Variants in RPH3AL observed in about 807,000 individuals in gnomAD.
RPH3AL encodes the protein rabphilin 3A like (without C2 domains).
RPH3AL carries 38 observed loss-of-function variants against 43.1 expected under a neutral mutation model. The observed-to-expected ratio is 0.88, with a 90% CI of 0.68 to 1.15. The LOEUF is 1.15. Ranked by LOEUF, RPH3AL falls within the 50% of genes most tolerant of loss-of-function variation. RPH3AL has a pLI of 0.00. For synonymous variants in RPH3AL, 189 were observed against 176.3 expected (o/e 1.07, Z -0.57); for missense variants, 462 against 423.2 (o/e 1.09, Z -0.81).
intron 5 of RPH3AL, among the ~76,000 whole-genome samples, chr17:317,581 A>T (rs66984203): frequency 6.6e-6 from 1 of 151,888 alleles, no homozygotes; most frequent in African/African-American, 2.4e-5. Flanking sequence ...GGCCTTGGCA[A>T]GGCTGAAGGA....
At position 332,688 on chromosome 17, in the gene RPH3AL, C is replaced by T. The variant is rs1005285339; in HGVS notation, c.-37+1071G>A. On this transcript the variant is annotated intron_variant, in intron 2 of 9. Transcript: ENST00000331302. ...ACTTGCTGACTCACAGGCCGTTTGTCCCTCAAGATTCCCCACGGGGTAGTC... is the reference window on the plus strand; with the variant it reads ...ACTTGCTGACTCACAGGCCGTTTGTTCCTCAAGATTCCCCACGGGGTAGTC... 2.9e-5 allele frequency: 7 copies of T among 239,820 alleles called. No homozygotes were observed. The East Asian group carries it at 6.1e-4, about 21-fold the overall frequency. 14.9% of individuals were successfully genotyped at this position (239,820 alleles called of 1,614,324 possible). A position where few individuals can be genotyped will look rare whatever the true frequency, so the allele number is the denominator to read the frequency against.
intron 1 of RPH3AL, among the ~76,000 whole-genome samples, chr17:337,467 C>CCT (rs1339730936): frequency 6.6e-6 from 1 of 152,190 alleles, no homozygotes; most frequent in East Asian, 1.9e-4. Flanking sequence ...GCCTCCTTAA[C>CCT]CTGCCTCTTT....
At chr17:305,465 G>A (rs894323238) in intron 5 of RPH3AL, among the ~76,000 whole-genome samples, 9 of 152,156 alleles carry the variant, frequency 5.9e-5, no homozygotes, top group African/African-American at 1.4e-4. Flanking sequence ...AGCCCCTGAC[G>A]TCCCACCAGG....
chr17:286,794 G>A (rs1483299326), intron 5 of RPH3AL, among the ~76,000 whole-genome samples: 3 of 152,156 alleles, frequency 2.0e-5, no homozygotes, highest in African/African-American at 7.2e-5. Flanking sequence ...TGGCTTCCCG[G>A]GCTTGGCTGC....
intron 5 of RPH3AL, among the ~76,000 whole-genome samples, chr17:317,399 T>G (rs1392043807): frequency 4.7e-5 from 7 of 150,120 alleles, no homozygotes; most frequent in Non-Finnish European, 1.0e-4. Context: ...CCACGTCCAT[T>G]GACTTGTAGT....
At position 300,952 on chromosome 17, in the gene RPH3AL, C is replaced by T. The variant is rs113230389; in HGVS notation, c.351+18468G>A. Among the ~76,000 whole-genome samples the T allele has an allele frequency of 1.7e-3, 258 of 152,348 alleles. 2 individuals carry two copies. The highest frequency in any genetic ancestry group is 6.0e-3 in the African/African-American group (251 of 41,590). ...CTGCCACAGCCTAGGCCTGCAGAATCTCTCACCCACTCTAGCAGGGGCTGG... is the reference window on the plus strand; with the variant it reads ...CTGCCACAGCCTAGGCCTGCAGAATTTCTCACCCACTCTAGCAGGGGCTGG... On this transcript the variant is annotated intron_variant, in intron 5 of 9. Coordinates refer to ENST00000331302, the MANE Select transcript of RPH3AL (RefSeq NM_006987.4).
intron 6 of RPH3AL, among the ~76,000 whole-genome samples, chr17:249,989 C>A (rs573796913): frequency 3.6e-5 from 5 of 138,118 alleles, no homozygotes; most frequent in Non-Finnish European, 6.2e-5. Context: ...CCTCTCGGAG[C>A]CTTTACTAAG....
chr17:352,410 C>CG (rs1255100401), intron 1 of RPH3AL, among the ~76,000 whole-genome samples: 1 of 152,108 alleles, frequency 6.6e-6, no homozygotes, highest in East Asian at 1.9e-4. Context: ...GAGGCACCAG[C>CG]GGGGCATGAG....
intron 2 of RPH3AL, chr17:332,982 T>G: frequency 7.8e-7 from 1 of 1,276,496 alleles, no homozygotes; most frequent in Non-Finnish European, 1.0e-6. Context: ...CCCGAAAAAT[T>G]CCTAGGGGAC....
chr17:313,063 G>C (rs979299440), intron 5 of RPH3AL, among the ~76,000 whole-genome samples: 1 of 152,188 alleles, frequency 6.6e-6, no homozygotes, highest in African/African-American at 2.4e-5. Context: ...GGTGGACCAA[G>C]CGACCTCTCA....
intron 3 of RPH3AL, among the ~76,000 whole-genome samples, chr17:326,456 C>T (rs1489864018): frequency 2.0e-5 from 3 of 152,192 alleles, no homozygotes; most frequent in Non-Finnish European, 4.4e-5. Context: ...GACGCCCAGC[C>T]CCTCTGAGGG....
At chr17:231,046 G>A (rs566474371) in intron 7 of RPH3AL, among the ~76,000 whole-genome samples, 60 of 152,156 alleles carry the variant, frequency 3.9e-4, no homozygotes, top group African/African-American at 1.1e-3. Context: ...ATTTCCCTCC[G>A]TATCTGTGTC....
chr17:302,052 G>A (rs2043342199), intron 5 of RPH3AL, among the ~76,000 whole-genome samples: 1 of 152,214 alleles, frequency 6.6e-6, no homozygotes, highest in Non-Finnish European at 1.5e-5. Context: ...AGCGAACTGG[G>A]CGGCAAACCT....
intron 5 of RPH3AL, among the ~76,000 whole-genome samples, chr17:317,902 C>A (rs1406697372): frequency 7.2e-6 from 1 of 139,756 alleles, no homozygotes; most frequent in East Asian, 2.5e-4. Flanking sequence ...ACAGTTCACA[C>A]CCCACCCCAC....
At chr17:232,488 G>C (rs2041252012) in intron 7 of RPH3AL, among the ~76,000 whole-genome samples, 1 of 152,174 alleles carries the variant, frequency 6.6e-6, no homozygotes. Flanking sequence ...GGCTGACCCT[G>C]GCAGAATGGC....
chr17:299,621 C>T (rs1252732770), intron 5 of RPH3AL, among the ~76,000 whole-genome samples: 2 of 152,228 alleles, frequency 1.3e-5, no homozygotes, highest in South Asian at 2.1e-4. Context: ...AATGTCCCAG[C>T]GGGAAGCACA....
intron 6 of RPH3AL, among the ~76,000 whole-genome samples, chr17:265,907 G>C (rs1281489111): frequency 6.6e-6 from 1 of 152,180 alleles, no homozygotes; most frequent in Admixed American, 6.5e-5. Flanking sequence ...GGGTTCTGCT[G>C]ACTTCCACCC....
At chr17:304,756 T>A (rs1235429571) in intron 5 of RPH3AL, among the ~76,000 whole-genome samples, 1 of 152,046 alleles carries the variant, frequency 6.6e-6, no homozygotes, top group Non-Finnish European at 1.5e-5. Context: ...ACACTCTTCT[T>A]CTTTTGTTCC....
At position 315,040 on chromosome 17, in the gene RPH3AL, G is replaced by C. The variant is rs1341548297; in HGVS notation, c.351+4380C>G. Among the ~76,000 whole-genome samples, 75 of 148,092 alleles carry C rather than the reference G, an allele frequency of 5.1e-4. 8 individuals carry two copies. Among genetic ancestry groups the C allele is most frequent in the African/African-American group, 1.9e-3 (73 of 39,190 alleles). On this transcript the variant is annotated intron_variant, in intron 5 of 9. Coordinates refer to ENST00000331302, the MANE Select transcript of RPH3AL (RefSeq NM_006987.4). The stretch of plus-strand genomic sequence containing the variant: ...CCACCTCCATTGACCTGTAGTCCCT[G>C]TACTCCACCTCCACTGAACTGTAGT...
Sources: allele counts gnomAD v4.1 joint callset (sites outside exome capture counted in the v4.1 genomes callset), GRCh38; gene constraint gnomAD v4.1.1; transcripts MANE v1.5; gene names NCBI Gene and HGNC (gene_info 2026-07-23, HGNC 2026-07-21).